The following TBC1D4 variants were observed in gnomAD, a reference collection of about 807,000 sequenced individuals.
TBC1D4 encodes the protein TBC (Tre-2, BUB2, CDC16) domain-containing protein.
Under a neutral mutation model 142.5 loss-of-function variants are expected in TBC1D4, and 121 were observed. The ratio of observed to expected loss-of-function variants is 0.85; its 90% CI spans 0.73 to 0.99. TBC1D4 has a LOEUF of 0.99. Among genes scored for constraint, TBC1D4 ranks in the 50% least tolerant of loss-of-function variants. The probability of loss-of-function intolerance (pLI) is 0.00; values close to 1 mark genes in which losing one functional copy is unlikely to be tolerated. For synonymous variants in TBC1D4, 630 were observed against 628.2 expected, an observed-to-expected ratio of 1.00 and a Z score of -0.04; for missense variants, 1,475 against 1,606.6, an observed-to-expected ratio of 0.92 and a Z score of 1.40.
intron 20 of TBC1D4, 91 bp from the exon 21 acceptor site, chr13:75,287,116 TTAA>T: frequency 9.5e-7 from 1 of 1,050,600 alleles, no homozygotes; most frequent in Non-Finnish European, 1.5e-6. Flanking sequence ...TTCAAATTAC[TTAA>T]TAAAATATTA....
intron 18 of TBC1D4, 115 bp downstream of exon 18, chr13:75,294,739 A>ATT: frequency 9.1e-7 from 1 of 1,098,460 alleles, no homozygotes; most frequent in Non-Finnish European, 1.3e-6. Context: ...TCCATTAGCA[A>ATT]TTTGCTATTC....
rs1329624121 is a variant in TBC1D4 at position 75,295,914 on chromosome 13, A to G, written c.3157-901T>C. On this transcript the variant is annotated intron_variant, in intron 17 of 20. Coordinates refer to ENST00000377636, the MANE Select transcript of TBC1D4 (RefSeq NM_014832.5). The stretch of plus-strand genomic sequence containing the variant: ...TATTAAATCTAGCAGAACTTCTTTC[A>G]CTAGAAGAAATTATTAAAACATCAC... Among the ~76,000 whole-genome samples, 5 of 152,342 alleles carry G rather than the reference A, an allele frequency of 3.3e-5. No homozygotes were observed. The East Asian group carries it at 9.6e-4, about 29-fold the overall frequency.
chr13:75,324,123 C>T (rs1879012018), intron 11 of TBC1D4, 114 bp downstream of exon 11: 1 of 1,211,814 alleles, frequency 8.3e-7, no homozygotes, highest in Non-Finnish European at 1.2e-6. Context: ...TTAGAACAAG[C>T]ACAACACAGG....
At chr13:75,405,925 G>C (rs897694638) in intron 1 of TBC1D4, among the ~76,000 whole-genome samples, 14 of 152,054 alleles carry the variant, frequency 9.2e-5, no homozygotes, top group Non-Finnish European at 4.4e-5. Flanking sequence ...TTTATTTTTT[G>C]TCTTTTGTTC....
chr13:75,412,917 G>A (rs1032134895), intron 1 of TBC1D4, among the ~76,000 whole-genome samples: 1 of 152,176 alleles, frequency 6.6e-6, no homozygotes, highest in African/African-American at 2.4e-5. Context: ...CTCAACAAAT[G>A]TTTATTCTGT....
chr13:75,344,144 C>T (rs938281176), intron 5 of TBC1D4, among the ~76,000 whole-genome samples: 8 of 152,178 alleles, frequency 5.3e-5, no homozygotes, highest in East Asian at 1.9e-4. Context: ...CCACCGTGCC[C>T]GGCCACTATC....
intron 20 of TBC1D4, among the ~76,000 whole-genome samples, 160 bp downstream of exon 20, chr13:75,288,774 A>C (rs1874949746): frequency 6.6e-6 from 1 of 152,196 alleles, no homozygotes; most frequent in Non-Finnish European, 1.5e-5. Context: ...TGTTTAATTT[A>C]ACATGTCATT....
rs1883718060 is a variant in TBC1D4, at chr13:75,379,885, C to CTTTTTTTTTTTTTTTTTTTTTTTTT, written c.499-17279_499-17278insAAAAAAAAAAAAAAAAAAAAAAAAA. ...AAGTATATCAGTTTTGTTCATCTGA[C>CTTTTTTTTTTTTTTTTTTTTTTTTT]TCTTTTTTTTTTTTTTTTTTTTTTT... is the stretch of plus-strand genomic sequence containing the variant. On this transcript the variant is annotated intron_variant, in intron 1 of 20. Coordinates refer to ENST00000377636, the MANE Select transcript of TBC1D4 (RefSeq NM_014832.5). Among the ~76,000 whole-genome samples, 4 of 98,534 alleles carry CTTTTTTTTTTTTTTTTTTTTTTTTT rather than the reference C, an allele frequency of 4.1e-5. 2 individuals carry two copies. The highest frequency in any genetic ancestry group is 2.5e-4 in the Admixed American group (2 of 8,076). 64.6% of individuals were successfully genotyped at this position (98,534 alleles called of 152,430 possible). A position where few individuals can be genotyped will look rare whatever the true frequency, so the allele number is the denominator to read the frequency against.
chr13:75,307,421 T>C (rs1296289150), intron 14 of TBC1D4, among the ~76,000 whole-genome samples: 2 of 152,172 alleles, frequency 1.3e-5, no homozygotes, highest in Non-Finnish European at 2.9e-5. Context: ...GCAACCAGTA[T>C]CTTGATTTGT....
chr13:75,403,248 G>C (rs1885185312), intron 1 of TBC1D4, among the ~76,000 whole-genome samples: 1 of 152,160 alleles, frequency 6.6e-6, no homozygotes, highest in Non-Finnish European at 1.5e-5. Context: ...TTATTTTTAG[G>C]GGAAAAGTGT....
At chr13:75,315,439 T>TACACATATATATAC (rs1176058305) in intron 12 of TBC1D4, among the ~76,000 whole-genome samples, 2 of 142,026 alleles carry the variant, frequency 1.4e-5, no homozygotes, top group Non-Finnish European at 3.0e-5. Flanking sequence ...TATATATATA[T>TACACATATATATAC]ATTTGCTTTT....
intron 5 of TBC1D4, 128 bp from the exon 6 acceptor site, chr13:75,341,715 C>T (rs912605342): frequency 1.0e-5 from 8 of 765,272 alleles, no homozygotes; most frequent in Admixed American, 8.0e-5. Context: ...GAGACGTGTT[C>T]CTGCCTACAA....
At chr13:75,328,951 C>A (rs1481932227) in intron 8 of TBC1D4, among the ~76,000 whole-genome samples, 1 of 152,074 alleles carries the variant, frequency 6.6e-6, no homozygotes, top group East Asian at 1.9e-4. Context: ...ATCCCACTCC[C>A]CAAAAGCGAA....
chr13:75,299,303 C>A, intron 17 of TBC1D4, 27 bp downstream of exon 17: 4 of 1,613,386 alleles, frequency 2.5e-6, no homozygotes, highest in South Asian at 1.1e-5. Flanking sequence ...AGTCTCACAC[C>A]TTCCTCGGGA....
chr13:75,310,167 C>G lies in TBC1D4; in HGVS notation c.2384-16G>C, dbSNP rs1877607470. Reference sequence around the variant, plus strand: ...TCCAATCCATCTGCAGAGAAGAACACAGTGAGAGGCATTCCTTAGCAGTAA... The same window carrying G: ...TCCAATCCATCTGCAGAGAAGAACAGAGTGAGAGGCATTCCTTAGCAGTAA... On this transcript the variant is annotated splice_polypyrimidine_tract_variant and intron_variant, in intron 13 of 20. Coordinates refer to ENST00000377636, the MANE Select transcript of TBC1D4 (RefSeq NM_014832.5). The G allele has an allele frequency of 6.2e-7, 1 of 1,609,874 alleles. No individual in the cohort carries two copies. The highest frequency in any genetic ancestry group is 1.3e-5 in the African/African-American group (1 of 74,878).
intron 15 of TBC1D4, among the ~76,000 whole-genome samples, chr13:75,305,749 C>A (rs965839972): frequency 2.0e-5 from 3 of 152,048 alleles, no homozygotes; most frequent in African/African-American, 7.2e-5. Context: ...TAAAAGTTGA[C>A]TTATTAGTTT....
Position 75,324,379 on chromosome 13 carries a change from T to TG in TBC1D4, c.2055dup (p.Met686HisfsTer6), listed in dbSNP as rs770283104. 1 of 1,613,996 alleles carries TG rather than the reference T, an allele frequency of 6.2e-7. No homozygotes were observed. The highest frequency in any genetic ancestry group is 1.1e-5 in the South Asian group (1 of 91,070). ...GAGGAAGAATTACTCTCCTTGTACATGCGTCGAACTGACGAAAGATTGCTG... is the reference window on the plus strand; with the variant it reads ...GAGGAAGAATTACTCTCCTTGTACATGGCGTCGAACTGACGAAAGATTGCTG... On this transcript the variant is annotated frameshift_variant, in exon 11 of 21. Coordinates refer to ENST00000377636, the MANE Select transcript of TBC1D4 (RefSeq NM_014832.5). LOFTEE classifies it high-confidence loss of function.
intron 1 of TBC1D4, chr13:75,366,966 T>C (rs1882949458): frequency 1.0e-6 from 1 of 985,294 alleles, no homozygotes; most frequent in Admixed American, 6.2e-5. Flanking sequence ...GAGCAATGAT[T>C]TTGCCAAACT....
chr13:75,438,293 G>A lies in TBC1D4; in HGVS notation c.498+42977C>T, dbSNP rs548106862. Among the ~76,000 whole-genome samples, 17 of 152,174 alleles carry A rather than the reference G, an allele frequency of 1.1e-4. No homozygotes were observed. The South Asian group carries it at 1.2e-3, about 11-fold the overall frequency. ...CTCTATGCTAAAAACAATTCCAAAG[G>A]TTTCACTTGAGCAATGCTTATGTTC... On this transcript the variant is annotated intron_variant, in intron 1 of 20. Coordinates refer to ENST00000377636, the MANE Select transcript of TBC1D4 (RefSeq NM_014832.5).
Sources: gnomAD v4.1 joint callset for allele counts (sites outside exome capture counted in the v4.1 genomes callset) on GRCh38, gnomAD v4.1.1 for gene constraint, MANE v1.5 for transcripts, NCBI Gene and HGNC (gene_info 2026-07-23, HGNC 2026-07-21) for gene names.